The following PIK3C2G variants were observed in gnomAD, a reference collection of about 807,000 sequenced individuals.
PIK3C2G encodes phosphatidylinositol 3-kinase C2 domain-containing subunit gamma.
In PIK3C2G, 168 loss-of-function variants were observed where a neutral mutation model predicts 181.1. The observed-to-expected ratio is 0.93, with a 90% CI of 0.82 to 1.05. PIK3C2G has a LOEUF of 1.05. PIK3C2G is among the 50% of genes least tolerant of loss of function. PIK3C2G has a pLI of 0.00. For missense variants in PIK3C2G, 1,869 were observed against 1,732.8 expected, an observed-to-expected ratio of 1.08 and a Z score of -1.40; for synonymous variants, 573 against 592.2, an observed-to-expected ratio of 0.97 and a Z score of 0.47.
chr12:18,590,117 GTTTT>G (rs35341019), intron 29 of PIK3C2G, among the ~76,000 whole-genome samples: 2 of 141,952 alleles, frequency 1.4e-5, no homozygotes, highest in Non-Finnish European at 3.1e-5. Flanking sequence ...TAAATTCAGA[GTTTT>G]TTTTTTTTTT....
At chr12:18,438,764 A>G (rs931363637) in intron 18 of PIK3C2G, among the ~76,000 whole-genome samples, 2 of 151,928 alleles carry the variant, frequency 1.3e-5, no homozygotes, top group African/African-American at 4.8e-5. Flanking sequence ...TACTTGAAGA[A>G]AAATTTCAAC....
the PIK3C2G span, among the ~76,000 whole-genome samples, chr12:18,669,357 T>A: frequency 6.6e-6 from 1 of 152,198 alleles, no homozygotes; most frequent in Non-Finnish European, 1.5e-5. Context: ...CAGTAAACAT[T>A]ATTTCATTTA....
intron 17 of PIK3C2G, among the ~76,000 whole-genome samples, chr12:18,422,645 G>A (rs1238357895): frequency 3.9e-5 from 6 of 151,992 alleles, no homozygotes; most frequent in Admixed American, 6.6e-5. Flanking sequence ...ATGGTCAGGC[G>A]GGATTTAGGG....
chr12:18,394,256 T>A (rs1592145877), intron 15 of PIK3C2G, among the ~76,000 whole-genome samples: 1 of 151,932 alleles, frequency 6.6e-6, no homozygotes, highest in South Asian at 2.1e-4. Context: ...AAAACCAGTC[T>A]CAAAAAAATT....
chr12:18,652,133 C>G (rs777087322), downstream of PIK3C2G, among the ~76,000 whole-genome samples: 1 of 151,948 alleles, frequency 6.6e-6, no homozygotes, highest in Non-Finnish European at 1.5e-5. Flanking sequence ...GAAGTCCTAA[C>G]CCCAGGTACC....
intron 11 of PIK3C2G, among the ~76,000 whole-genome samples, chr12:18,347,675 AT>A (rs573070282): frequency 1.5e-3 from 226 of 152,008 alleles, no homozygotes; most frequent in African/African-American, 5.3e-3. Context: ...GCAGGGCATG[AT>A]GGCACGTGCC....
In PIK3C2G at chr12:18,286,846, G is replaced by A; in HGVS notation, c.679-1G>A. The A allele has an allele frequency of 6.8e-7, 1 of 1,462,388 alleles. No individual in the cohort carries two copies. The highest frequency in any genetic ancestry group is 9.3e-7 in the Non-Finnish European group (1 of 1,080,630). 90.6% of individuals were successfully genotyped at this position (1,462,388 alleles called of 1,614,324 possible). A position where few individuals can be genotyped will look rare whatever the true frequency, so the allele number is the denominator to read the frequency against. ...ATTAATTTAGTAGATTTTATTTTAA[G>A]TCAATAGGTTGTTCCATTCAGCTAG... On this transcript the variant is annotated splice_acceptor_variant, in intron 2 of 32. Coordinates refer to ENST00000538779, the MANE Select transcript of PIK3C2G (RefSeq NM_001288772.2). LOFTEE classifies it high-confidence loss of function.
chr12:18,601,975 A>G (rs550189671), intron 30 of PIK3C2G, among the ~76,000 whole-genome samples: 2 of 152,286 alleles, frequency 1.3e-5, no homozygotes, highest in Non-Finnish European at 2.9e-5. Flanking sequence ...GTAAAACTGC[A>G]CAGGGAGAAA....
At chr12:18,587,159 T>A (rs1285573387) in intron 29 of PIK3C2G, among the ~76,000 whole-genome samples, 1 of 152,132 alleles carries the variant, frequency 6.6e-6, no homozygotes, top group South Asian at 2.1e-4. Flanking sequence ...GTTAAGGATG[T>A]CTTCCCTCAT....
At chr12:18,558,796 C>T (rs1028200621) in intron 26 of PIK3C2G, among the ~76,000 whole-genome samples, 1 of 152,096 alleles carries the variant, frequency 6.6e-6, no homozygotes, top group Admixed American at 6.6e-5. Flanking sequence ...TATTATCTAC[C>T]CCCATACTTC....
At chr12:18,532,022 A>G (rs1252270905) in intron 24 of PIK3C2G, among the ~76,000 whole-genome samples, 1 of 152,216 alleles carries the variant, frequency 6.6e-6, no homozygotes, top group Non-Finnish European at 1.5e-5. Context: ...CAGTTTCTAC[A>G]CATCTTTGCC....
At chr12:18,723,671 T>C in the PIK3C2G span, 1 of 831,498 alleles carries the variant, frequency 1.2e-6, no homozygotes, top group African/African-American at 1.7e-5. Context: ...GGATTCTTAT[T>C]GAAGATAAAA....
At chr12:18,725,229 G>A in the PIK3C2G span, among the ~76,000 whole-genome samples, 1 of 152,064 alleles carries the variant, frequency 6.6e-6, no homozygotes, top group Non-Finnish European at 1.5e-5. Flanking sequence ...AAAGCAACAA[G>A]GAGCAAGTGA....
At chr12:18,663,769 ATGT>A in the PIK3C2G span, among the ~76,000 whole-genome samples, 1 of 152,158 alleles carries the variant, frequency 6.6e-6, no homozygotes, top group Non-Finnish European at 1.5e-5. Flanking sequence ...AAATTGAAAA[ATGT>A]TGTGCATCTG....
chr12:18,266,855 T>A (rs1278541779), intron 1 of PIK3C2G, among the ~76,000 whole-genome samples: 1 of 151,838 alleles, frequency 6.6e-6, no homozygotes, highest in Non-Finnish European at 1.5e-5. Flanking sequence ...CATTCTCTTC[T>A]TTTTCTTCAT....
At chr12:18,367,829 C>T (rs990919825) in intron 12 of PIK3C2G, among the ~76,000 whole-genome samples, 14 of 152,060 alleles carry the variant, frequency 9.2e-5, no homozygotes, top group Non-Finnish European at 2.1e-4. Flanking sequence ...GCTGGGATTA[C>T]AGGCATGAGC....
intron 24 of PIK3C2G, among the ~76,000 whole-genome samples, chr12:18,537,486 G>A (rs938043559): frequency 6.6e-6 from 1 of 151,988 alleles, no homozygotes; most frequent in African/African-American, 2.4e-5. Flanking sequence ...GACAAAGGTG[G>A]GGGACGTGGG....
intron 9 of PIK3C2G, among the ~76,000 whole-genome samples, chr12:18,341,248 C>T (rs1014399141): frequency 3.3e-5 from 5 of 152,018 alleles, no homozygotes; most frequent in African/African-American, 9.7e-5. Context: ...ATCAAACTTA[C>T]AATATTTGAA....
At chr12:18,624,585 T>G (rs1949008342) in intron 31 of PIK3C2G, among the ~76,000 whole-genome samples, 2 of 151,666 alleles carry the variant, frequency 1.3e-5, no homozygotes, top group South Asian at 4.1e-4. Flanking sequence ...TCCTCATCAA[T>G]TTTTTTGGCA....
Sources: allele counts gnomAD v4.1 joint callset (sites outside exome capture counted in the v4.1 genomes callset), GRCh38; gene constraint gnomAD v4.1.1; transcripts MANE v1.5; gene names NCBI Gene and HGNC (gene_info 2026-07-23, HGNC 2026-07-21).